The following DGKB variants were observed in gnomAD, a reference collection of about 807,000 sequenced individuals.
DGKB encodes diacylglycerol kinase beta.
A neutral mutation model predicts 114.3 loss-of-function variants in DGKB; 67 were observed. The observed-to-expected ratio is 0.59, with a 90% CI of 0.48 to 0.72. The LOEUF (loss-of-function observed/expected upper bound fraction) is 0.72, where lower values mean the gene tolerates loss of function less well. Among genes scored for constraint, DGKB ranks in the 30% least tolerant of loss-of-function variants. The pLI is 0.00. For missense variants in DGKB, 907 were observed against 975.2 expected (o/e 0.93, Z 0.93); for synonymous variants, 398 against 323.1 (o/e 1.23, Z -2.49).
At chr7:14,879,461 C>T (rs1009461457) in intron 1 of DGKB, among the ~76,000 whole-genome samples, 6 of 152,128 alleles carry the variant, frequency 3.9e-5, no homozygotes, top group Admixed American at 6.5e-5. Context: ...CTATTTCATA[C>T]GTTATCTTGT....
At chr7:14,749,012 T>A (rs1012992285) in intron 4 of DGKB, among the ~76,000 whole-genome samples, 7 of 151,232 alleles carry the variant, frequency 4.6e-5, no homozygotes, top group African/African-American at 1.5e-4. Context: ...TTAATCAGAG[T>A]TTTTTTTACA....
intron 1 of DGKB, among the ~76,000 whole-genome samples, chr7:14,884,732 G>C (rs1354143804): frequency 6.6e-6 from 1 of 151,882 alleles, no homozygotes; most frequent in Non-Finnish European, 1.5e-5. Flanking sequence ...TCATGTTTTA[G>C]AACATCCTAC....
intron 1 of DGKB, among the ~76,000 whole-genome samples, chr7:14,953,340 A>T (rs2128261536): frequency 6.6e-6 from 1 of 152,250 alleles, no homozygotes; most frequent in Non-Finnish European, 1.5e-5. Context: ...TCATGTAAAG[A>T]ACCCTTACAA....
At chr7:14,181,236 C>T (rs1782594011) in intron 23 of DGKB, among the ~76,000 whole-genome samples, 1 of 152,122 alleles carries the variant, frequency 6.6e-6, no homozygotes, top group Non-Finnish European at 1.5e-5. Flanking sequence ...AAAATATTTA[C>T]TATGTGGACC....
chr7:14,499,153 T>C (rs184613636), intron 20 of DGKB, among the ~76,000 whole-genome samples: 7 of 151,830 alleles, frequency 4.6e-5, no homozygotes, highest in Admixed American at 3.3e-4. Context: ...TTGCACTGGT[T>C]GCTTGAGTAG....
At chr7:14,754,474 T>A (rs1348528941) in intron 3 of DGKB, among the ~76,000 whole-genome samples, 1 of 152,104 alleles carries the variant, frequency 6.6e-6, no homozygotes, top group African/African-American at 2.4e-5. Flanking sequence ...CTCTCCATAC[T>A]CTTAAAGATT....
Position 14,593,112 on chromosome 7 carries a change from T to C in DGKB, c.1434-9975A>G, listed in dbSNP as rs182899730. On this transcript the variant is annotated intron_variant, in intron 17 of 25. Coordinates refer to ENST00000402815, the MANE Select transcript of DGKB (RefSeq NM_001350709.2). ...TAAGTTTTAGAGTATTTGAAAAATA[T>C]ACATATTCCAGTGGGCCATTAATAA... is the stretch of plus-strand genomic sequence containing the variant. Among the ~76,000 whole-genome samples, 532 of 152,190 alleles carry C rather than the reference T, an allele frequency of 3.5e-3. 4 individuals are homozygous for C. Among genetic ancestry groups the C allele is most frequent in the Non-Finnish European group, 6.1e-3 (415 of 67,920 alleles).
intron 17 of DGKB, among the ~76,000 whole-genome samples, chr7:14,584,492 T>C (rs1800425389): frequency 6.6e-6 from 1 of 152,132 alleles, no homozygotes; most frequent in Admixed American, 6.6e-5. Flanking sequence ...ATGTCTTTAA[T>C]AATAAGTGAA....
chr7:14,718,797 G>A, intron 5 of DGKB, 112 bp from the exon 6 acceptor site: 3 of 813,642 alleles, frequency 3.7e-6, no homozygotes, highest in Non-Finnish European at 5.7e-6. Context: ...ATATTTTTTA[G>A]GCATAGAATA....
chr7:14,808,143 T>A (rs1842985958), intron 2 of DGKB, among the ~76,000 whole-genome samples: 1 of 152,064 alleles, frequency 6.6e-6, no homozygotes, highest in Admixed American at 6.6e-5. Flanking sequence ...CTGCAAATTG[T>A]TGTTTTATTA....
chr7:14,557,593 A>C (rs1796056249), intron 20 of DGKB, among the ~76,000 whole-genome samples: 1 of 152,114 alleles, frequency 6.6e-6, no homozygotes, highest in African/African-American at 2.4e-5. Context: ...TAAAAAAATA[A>C]CATCTTCATG....
Position 14,358,179 on chromosome 7 carries a change from A to C in DGKB, c.1836-12788T>G, listed in dbSNP as rs1173512428. On this transcript the variant is annotated intron_variant, in intron 21 of 25. Transcript: ENST00000402815. ...GGAACTTCTCCTGGATAATATCCTG[A>C]AGAATGTTTTCCAACTTGGTTTCAT... is the stretch of plus-strand genomic sequence containing the variant. Among the ~76,000 whole-genome samples the C allele has an allele frequency of 2.6e-5, 4 of 152,134 alleles. No individual in the cohort carries two copies. The East Asian group carries it at 7.7e-4, about 29-fold the overall frequency.
intron 13 of DGKB, among the ~76,000 whole-genome samples, chr7:14,669,004 C>G (rs1391665050): frequency 6.6e-6 from 1 of 151,888 alleles, no homozygotes; most frequent in African/African-American, 2.4e-5. Flanking sequence ...TGATTATTAA[C>G]TAGAGGTAGC....
chr7:14,526,631 T>G (rs960067312), intron 20 of DGKB, among the ~76,000 whole-genome samples: 1 of 152,158 alleles, frequency 6.6e-6, no homozygotes, highest in Non-Finnish European at 1.5e-5. Flanking sequence ...TAAAGATATG[T>G]AAGAGAGTGC....
At chr7:14,275,821 G>C (rs891277373) in intron 23 of DGKB, among the ~76,000 whole-genome samples, 3 of 152,190 alleles carry the variant, frequency 2.0e-5, no homozygotes, top group African/African-American at 4.8e-5. Context: ...ATGATATGAT[G>C]ATGAGGCCAA....
At chr7:14,715,081 G>A (rs1827977216) in intron 6 of DGKB, among the ~76,000 whole-genome samples, 1 of 152,044 alleles carries the variant, frequency 6.6e-6, no homozygotes, top group Non-Finnish European at 1.5e-5. Flanking sequence ...TGAGTCCTGA[G>A]GAAGTTTTAA....
rs1441427346 is a variant in DGKB at position 14,676,348 on chromosome 7, C to T, written c.1036-3321G>A. ...TTATAGTTTGAAAGAATGAATAAGA[C>T]CTACTATGTGATAGCACAACAGGGT... is the stretch of plus-strand genomic sequence containing the variant. On this transcript the variant is annotated intron_variant, in intron 12 of 25. Transcript: ENST00000402815. 2.0e-5 allele frequency among the ~76,000 whole-genome samples: 3 copies of T among 151,990 alleles called. No individual in the cohort carries two copies. The East Asian group carries it at 5.8e-4, about 29-fold the overall frequency.
chr7:14,524,756 C>CA (rs11347141), intron 20 of DGKB, among the ~76,000 whole-genome samples: 3,440 of 111,810 alleles, frequency 0.031, 72 homozygotes, highest in African/African-American at 0.055. Flanking sequence ...GACTCTGTCT[C>CA]AAAAAAAAAA....
At chr7:14,561,712 G>A (rs1436161662) in intron 20 of DGKB, among the ~76,000 whole-genome samples, 1 of 152,198 alleles carries the variant, frequency 6.6e-6, no homozygotes, top group Non-Finnish European at 1.5e-5. Context: ...CTTTGAACTT[G>A]AGAGAGATGA....
Sources: gnomAD v4.1 joint callset for allele counts (sites outside exome capture counted in the v4.1 genomes callset) on GRCh38, gnomAD v4.1.1 for gene constraint, MANE v1.5 for transcripts, NCBI Gene and HGNC (gene_info 2026-07-23, HGNC 2026-07-21) for gene names.